ITGBL1: variants seen among roughly 807,000 people sequenced by gnomAD.
ITGBL1 encodes the protein integrin subunit beta like 1, also known as integrin beta-like protein 1.
ITGBL1 carries 51 observed loss-of-function variants against 68.5 expected under a neutral mutation model. The ratio of observed to expected loss-of-function variants is 0.74; its 90% CI spans 0.59 to 0.94. The LOEUF (loss-of-function observed/expected upper bound fraction) is 0.94. Among genes scored for constraint, ITGBL1 ranks in the 40% least tolerant of loss-of-function variants. The pLI is 0.00. For missense variants in ITGBL1, 649 were observed against 647.4 expected (o/e 1.00, Z -0.03); for synonymous variants, 209 against 227.3 (o/e 0.92, Z 0.72).
chr13:101,556,282 AG>A (rs994700361), intron 2 of ITGBL1, among the ~76,000 whole-genome samples: 8 of 152,218 alleles, frequency 5.3e-5, no homozygotes, highest in African/African-American at 1.9e-4. Context: ...TAATTTATTA[AG>A]TTGAGATCAT....
chr13:101,711,800 G>C (rs1566803395), intron 9 of ITGBL1: 1 of 152,212 alleles, frequency 6.6e-6, no homozygotes, highest in Non-Finnish European at 1.5e-5. Context: ...AGGGAGATGG[G>C]AACATTCTCA....
At chr13:101,478,911 A>ATC (rs2048575356) in intron 2 of ITGBL1, among the ~76,000 whole-genome samples, 1 of 152,124 alleles carries the variant, frequency 6.6e-6, no homozygotes, top group Non-Finnish European at 1.5e-5. Context: ...ATAAAATGTA[A>ATC]TCTCTATCAA....
At chr13:101,650,688 T>C (rs1395249136) in intron 7 of ITGBL1, among the ~76,000 whole-genome samples, 2 of 151,532 alleles carry the variant, frequency 1.3e-5, no homozygotes, top group African/African-American at 2.4e-5. Flanking sequence ...GTTTGTTACA[T>C]AGGTAAACAT....
chr13:101,552,093 A>G (rs1409322797), intron 2 of ITGBL1, among the ~76,000 whole-genome samples: 1 of 152,198 alleles, frequency 6.6e-6, no homozygotes, highest in Non-Finnish European at 1.5e-5. Context: ...ACAGCTGTGC[A>G]TACTGGCCAC....
In ITGBL1 at chr13:101,489,900, T is replaced by C. The variant is rs1036352237; in HGVS notation, c.316+35800T>C. The stretch of plus-strand genomic sequence containing the variant: ...CAGTGAGAGGTGGACTAAAGGTTAG[T>C]GTGACGGTTGCTAGCTTTTAGAACA... On this transcript the variant is annotated intron_variant, in intron 2 of 10. Transcript: ENST00000376180. 1.9e-5 allele frequency: 21 copies of C among 1,087,614 alleles called. No homozygotes were observed. The African/African-American group carries it at 3.0e-4, about 15-fold the overall frequency. 67.4% of individuals were successfully genotyped at this position (1,087,614 alleles called of 1,614,324 possible).
chr13:101,645,485 A>G (rs2032528509), intron 7 of ITGBL1, among the ~76,000 whole-genome samples: 1 of 149,858 alleles, frequency 6.7e-6, no homozygotes, highest in African/African-American at 2.5e-5. Context: ...ATTTGGGCAC[A>G]TTATAAACCT....
At chr13:101,469,652 C>T (rs1040471858) in intron 2 of ITGBL1, among the ~76,000 whole-genome samples, 1 of 152,154 alleles carries the variant, frequency 6.6e-6, no homozygotes, top group South Asian at 2.1e-4. Context: ...CATTGTACTC[C>T]AGCCTGGGTG....
At position 101,677,203 on chromosome 13, in the gene ITGBL1, G is replaced by A. The variant is rs188278976; in HGVS notation, c.1016-15382G>A. On this transcript the variant is annotated intron_variant, in intron 7 of 10. Transcript: ENST00000376180. ...ATCTGAAACATATTGTCGGCAGAGGGGGAAAAAGAAGAAAGCAGAAATTCA... is the reference window on the plus strand; with the variant it reads ...ATCTGAAACATATTGTCGGCAGAGGAGGAAAAAGAAGAAAGCAGAAATTCA... Among the ~76,000 whole-genome samples the A allele has an allele frequency of 7.6e-4, 116 of 152,160 alleles. 1 individual carries two copies. The highest frequency in any genetic ancestry group is 1.5e-3 in the South Asian group (7 of 4,810).
chr13:101,548,666 CTATT>C (rs1259602340), intron 2 of ITGBL1, among the ~76,000 whole-genome samples: 1 of 151,700 alleles, frequency 6.6e-6, no homozygotes, highest in Non-Finnish European at 1.5e-5. Context: ...ATTGTCTTCA[CTATT>C]TAACTATCAT....
intron 2 of ITGBL1, among the ~76,000 whole-genome samples, chr13:101,505,239 A>G (rs3916911): frequency 0.38 from 57,267 of 152,072 alleles, 10,847 homozygotes; most frequent in South Asian, 0.39. Flanking sequence ...TCTCCTTGTC[A>G]TTTGGCTTTG....
At chr13:101,582,906 G>A (rs572186906) in intron 5 of ITGBL1, among the ~76,000 whole-genome samples, 77 of 152,140 alleles carry the variant, frequency 5.1e-4, no homozygotes, top group African/African-American at 1.7e-3. Flanking sequence ...CAAATAGATT[G>A]CAAGCTTCTT....
At chr13:101,605,936 G>A (rs1469843033) in intron 7 of ITGBL1, among the ~76,000 whole-genome samples, 10 of 146,952 alleles carry the variant, frequency 6.8e-5, no homozygotes, top group South Asian at 4.2e-4. Flanking sequence ...ATATGTATGC[G>A]TGTATGTGTA....
chr13:101,684,799 T>C (rs1479329625), intron 7 of ITGBL1, among the ~76,000 whole-genome samples: 1 of 151,954 alleles, frequency 6.6e-6, no homozygotes, highest in African/African-American at 2.4e-5. Context: ...TTTTAAAATG[T>C]TTACCATTAG....
chr13:101,668,881 A>G (rs1385277601), intron 7 of ITGBL1, among the ~76,000 whole-genome samples: 3 of 152,090 alleles, frequency 2.0e-5, no homozygotes, highest in African/African-American at 7.2e-5. Context: ...ATATATTTGG[A>G]TCTATTAAAA....
chr13:101,637,245 A>G (rs893502655), intron 7 of ITGBL1, among the ~76,000 whole-genome samples: 1 of 152,148 alleles, frequency 6.6e-6, no homozygotes, highest in Non-Finnish European at 1.5e-5. Flanking sequence ...ATACCCAAAG[A>G]AATTTGTGTA....
intron 2 of ITGBL1, among the ~76,000 whole-genome samples, chr13:101,531,969 C>T (rs1381313383): frequency 1.3e-5 from 2 of 151,796 alleles, no homozygotes; most frequent in East Asian, 1.9e-4. Flanking sequence ...TTCCTGACCT[C>T]GTGATCTGCC....
intron 2 of ITGBL1, among the ~76,000 whole-genome samples, chr13:101,514,224 T>C (rs982405329): frequency 2.0e-5 from 3 of 152,070 alleles, no homozygotes; most frequent in Non-Finnish European, 4.4e-5. Flanking sequence ...AATTTAATAG[T>C]TAGATATAAT....
At chr13:101,453,794 G>C in intron 1 of ITGBL1, 89 bp from the exon 2 acceptor site, 1 of 832,802 alleles carries the variant, frequency 1.2e-6, no homozygotes, top group East Asian at 3.7e-5. Context: ...TCTGCACCTG[G>C]AGGGGACACT....
downstream of ITGBL1, chr13:101,718,641 G>C (rs1247454068): frequency 6.6e-6 from 1 of 152,036 alleles, no homozygotes; most frequent in African/African-American, 2.4e-5. Flanking sequence ...TAAGAGGAGA[G>C]CCATTATACC....
Sources: gnomAD v4.1 joint callset for allele counts (sites outside exome capture counted in the v4.1 genomes callset) on GRCh38, gnomAD v4.1.1 for gene constraint, MANE v1.5 for transcripts, NCBI Gene and HGNC (gene_info 2026-07-23, HGNC 2026-07-21) for gene names.